Variants in ZDHHC15 observed in about 807,000 individuals in gnomAD.
ZDHHC15 encodes zDHHC palmitoyltransferase 15.
ZDHHC15 carries 19 observed loss-of-function variants against 31.7 expected under a neutral mutation model. That is an observed-to-expected ratio of 0.60 (90% CI 0.42 to 0.88). The LOEUF is 0.88. Among genes scored for constraint, ZDHHC15 ranks in the 40% least tolerant of loss-of-function variants. The pLI, the probability that ZDHHC15 is intolerant of heterozygous loss-of-function variation, is 0.00. For missense variants in ZDHHC15, 209 were observed against 251.2 expected (o/e 0.83, Z 1.14); for synonymous variants, 103 against 90.0 (o/e 1.14, Z -0.82).
intron 3 of ZDHHC15, among the ~76,000 whole-genome samples, chrX:75,459,960 C>G (rs1027690452): frequency 1.8e-5 from 2 of 112,266 alleles, no homozygotes; most frequent in African/African-American, 6.5e-5. Flanking sequence ...ACTGCAACCT[C>G]TGCCTCCCAG....
chrX:75,437,626 T>G (rs1158216281), intron 4 of ZDHHC15, among the ~76,000 whole-genome samples: 8 of 105,100 alleles, frequency 7.6e-5, no homozygotes, highest in South Asian at 4.5e-4. Context: ...TCATCATTTT[T>G]TATGGCTGCA....
At chrX:75,513,177 T>C (rs1468644910) in intron 1 of ZDHHC15, among the ~76,000 whole-genome samples, 1 of 111,586 alleles carries the variant, frequency 9.0e-6, no homozygotes, top group African/African-American at 3.3e-5. Flanking sequence ...CCTAAAACCA[T>C]AAAAACCCTA....
intron 4 of ZDHHC15, among the ~76,000 whole-genome samples, chrX:75,440,726 C>A (rs746319920): frequency 1.6e-4 from 18 of 111,776 alleles, no homozygotes; most frequent in Non-Finnish European, 2.4e-4. Flanking sequence ...GTTTCTCAGG[C>A]AATGGGCAGG....
intron 2 of ZDHHC15, among the ~76,000 whole-genome samples, chrX:75,498,075 A>G (rs964427307): frequency 2.7e-5 from 3 of 110,183 alleles, no homozygotes; most frequent in African/African-American, 9.9e-5. Flanking sequence ...CTGGGATTAC[A>G]GGCATGCACC....
chrX:75,412,468 G>A (rs947815184), intron 10 of ZDHHC15, among the ~76,000 whole-genome samples: 2 of 109,465 alleles, frequency 1.8e-5, no homozygotes, highest in Non-Finnish European at 1.9e-5. Flanking sequence ...GTATCACTCC[G>A]TTGCCCAGGC....
intron 9 of ZDHHC15, among the ~76,000 whole-genome samples, chrX:75,418,650 G>A (rs892116744): frequency 4.5e-5 from 5 of 111,942 alleles, no homozygotes; most frequent in African/African-American, 6.5e-5. Context: ...AGAGGCCTCA[G>A]AAATAACGTC....
At chrX:75,462,971 C>A (rs766975989) in intron 3 of ZDHHC15, among the ~76,000 whole-genome samples, 2 of 110,360 alleles carry the variant, frequency 1.8e-5, no homozygotes, top group Non-Finnish European at 3.8e-5. Context: ...CAAAAAAAAT[C>A]AACAAATCCA....
At chrX:75,474,522 G>GTA (rs1257726704) in intron 3 of ZDHHC15, among the ~76,000 whole-genome samples, 63 of 10,589 alleles carry the variant, frequency 5.9e-3, no homozygotes, top group Middle Eastern at 0.083. Flanking sequence ...CCATATGTGT[G>GTA]TATATATATA....
intron 1 of ZDHHC15, among the ~76,000 whole-genome samples, chrX:75,508,336 C>T (rs1217940153): frequency 2.4e-5 from 2 of 84,067 alleles, no homozygotes; most frequent in Non-Finnish European, 2.2e-5. Context: ...TGATGTTTCC[C>T]TTCCTGTGTC....
rs2082989800 is a variant in ZDHHC15 at position 75,369,774 on chromosome X, A to T, written c.*3204T>A. 2 of 111,250 alleles carry T rather than the reference A, an allele frequency of 1.8e-5. No individual in the cohort carries two copies. Among genetic ancestry groups the T allele is most frequent in the Non-Finnish European group, 3.8e-5 (2 of 53,054 alleles). The allele number at this position is 111,250 out of a possible 1,213,427, so 9.2% of individuals were successfully genotyped here. On this transcript the variant is annotated 3_prime_UTR_variant, in exon 12 of 12. Coordinates refer to ENST00000373367, the MANE Select transcript of ZDHHC15 (RefSeq NM_144969.3). ...CTTTTCAGATTTTTGACAAAATGTGACTCTTTCAGAATGTGATCCTGTTGT... is the reference window on the plus strand; with the variant it reads ...CTTTTCAGATTTTTGACAAAATGTGTCTCTTTCAGAATGTGATCCTGTTGT...
chrX:75,459,543 A>G (rs2084279326), intron 3 of ZDHHC15, among the ~76,000 whole-genome samples: 1 of 111,511 alleles, frequency 9.0e-6, no homozygotes, highest in Admixed American at 9.5e-5. Context: ...CTACTTTGCC[A>G]GGTTGTGGCC....
chrX:75,458,427 T>A (rs1405329252), intron 3 of ZDHHC15, among the ~76,000 whole-genome samples: 1 of 111,920 alleles, frequency 8.9e-6, no homozygotes, highest in African/African-American at 3.2e-5. Flanking sequence ...CAAATTATTC[T>A]CTTTAAAACT....
chrX:75,371,559 C>G lies in ZDHHC15; in HGVS notation c.*1419G>C, dbSNP rs1409923110. The G allele has an allele frequency of 9.0e-6, 1 of 111,594 alleles. No homozygotes were observed. Among genetic ancestry groups the G allele is most frequent in the East Asian group, 2.8e-4 (1 of 3,541 alleles). 9.2% of individuals were successfully genotyped at this position (111,594 alleles called of 1,213,427 possible). A position where few individuals can be genotyped will look rare whatever the true frequency, so the allele number is the denominator to read the frequency against. On this transcript the variant is annotated 3_prime_UTR_variant, in exon 12 of 12. Coordinates refer to ENST00000373367, the MANE Select transcript of ZDHHC15 (RefSeq NM_144969.3). ...CTGGAACCCCAACACTAAATTGTGGCAGGCAACTCTTTTTTACTCAAACAT... is the reference window on the plus strand; with the variant it reads ...CTGGAACCCCAACACTAAATTGTGGGAGGCAACTCTTTTTTACTCAAACAT...
At chrX:75,412,068 C>T (rs2083490854) in intron 10 of ZDHHC15, among the ~76,000 whole-genome samples, 1 of 111,847 alleles carries the variant, frequency 8.9e-6, no homozygotes, top group Admixed American at 9.5e-5. Flanking sequence ...TCAAAACCAC[C>T]ATGAGATATC....
intron 4 of ZDHHC15, among the ~76,000 whole-genome samples, chrX:75,447,417 T>C (rs1442345759): frequency 1.8e-5 from 2 of 112,445 alleles, no homozygotes; most frequent in Admixed American, 1.9e-4. Context: ...AGGAACTTCC[T>C]TCACAGCAAG....
At chrX:75,518,529 G>C (rs1222885591) in intron 1 of ZDHHC15, among the ~76,000 whole-genome samples, 1 of 108,346 alleles carries the variant, frequency 9.2e-6, no homozygotes, top group African/African-American at 3.4e-5. Context: ...TGTGCTGCTT[G>C]ATGGGAATGT....
At chrX:75,422,026 G>C in intron 8 of ZDHHC15, 36 bp from the exon 9 acceptor site, 1 of 1,177,439 alleles carries the variant, frequency 8.5e-7, no homozygotes. Context: ...AAAAGAGGAA[G>C]AAAGCAATAA....
intron 3 of ZDHHC15, among the ~76,000 whole-genome samples, chrX:75,457,645 TCA>T (rs35992807): frequency 0.074 from 6,905 of 93,269 alleles, 196 homozygotes; most frequent in African/African-American, 0.088. Flanking sequence ...TTATTTACAC[TCA>T]CACACACACA....
In ZDHHC15 at chrX:75,505,805, T is replaced by C; in HGVS notation, c.163+16A>G. ...GGACACGGTCCTGATCAATACAATT[T>C]CCAACATCATCTTACCTTTTTCTGC... On this transcript the variant is annotated intron_variant, in intron 2 of 11. Transcript: ENST00000373367. 2 of 1,208,807 alleles carry C rather than the reference T, an allele frequency of 1.7e-6. No homozygotes were observed. The highest frequency in any genetic ancestry group is 2.2e-6 in the Non-Finnish European group (2 of 893,788).
Sources: gnomAD v4.1 joint callset for allele counts (sites outside exome capture counted in the v4.1 genomes callset) on GRCh38, gnomAD v4.1.1 for gene constraint, MANE v1.5 for transcripts, NCBI Gene and HGNC (gene_info 2026-07-23, HGNC 2026-07-21) for gene names.